The following ENOX1 variants were observed in gnomAD, a reference collection of about 807,000 sequenced individuals.
ENOX1 encodes ecto-NOX disulfide-thiol exchanger 1, also known as candidate growth-related and time keeping constitutive hydroquinone (NADH) oxidase.
ENOX1 carries 42 observed loss-of-function variants against 82.5 expected under a neutral mutation model. The observed-to-expected ratio is 0.51, with a 90% CI of 0.40 to 0.66. The LOEUF (loss-of-function observed/expected upper bound fraction) is 0.66. Among genes scored for constraint, ENOX1 ranks in the 30% least tolerant of loss-of-function variants. The pLI, the probability that ENOX1 is intolerant of heterozygous loss-of-function variation, is 0.00. For missense variants in ENOX1, 608 were observed against 811.6 expected, an observed-to-expected ratio of 0.75 and a Z score of 3.05; for synonymous variants, 271 against 282.2, an observed-to-expected ratio of 0.96 and a Z score of 0.40.
intron 5 of ENOX1, among the ~76,000 whole-genome samples, chr13:43,387,256 G>A (rs2052475356): frequency 6.6e-6 from 1 of 152,206 alleles, no homozygotes; most frequent in South Asian, 2.1e-4. Flanking sequence ...GTTACCTGGG[G>A]TGAGAGAGGA....
intron 12 of ENOX1, among the ~76,000 whole-genome samples, chr13:43,283,868 T>C (rs1311767362): frequency 6.6e-6 from 1 of 152,154 alleles, no homozygotes; most frequent in African/African-American, 2.4e-5. Flanking sequence ...CAAGTTTTGA[T>C]ATATTATGTT....
chr13:43,284,132 C>T lies in ENOX1; in HGVS notation c.1446+14214G>A, dbSNP rs2045558069. Among the ~76,000 whole-genome samples, 2 of 152,024 alleles carry T rather than the reference C, an allele frequency of 1.3e-5. 1 individual carries two copies. The highest frequency in any genetic ancestry group is 4.2e-4 in the South Asian group (2 of 4,814). On this transcript the variant is annotated intron_variant, in intron 12 of 16. Coordinates refer to ENST00000690772, the MANE Select transcript of ENOX1 (RefSeq NM_001347969.2). Reference sequence around the variant, plus strand: ...CAGTATATTTGAAAAGTATGATTTTCTTTATATGTCCTACATATTGAGCTT... The same window carrying T: ...CAGTATATTTGAAAAGTATGATTTTTTTTATATGTCCTACATATTGAGCTT...
At chr13:43,280,421 G>C (rs1196758435) in intron 12 of ENOX1, among the ~76,000 whole-genome samples, 3 of 151,980 alleles carry the variant, frequency 2.0e-5, no homozygotes, top group African/African-American at 7.2e-5. Context: ...ATTAACAACA[G>C]ATATTACCAT....
chr13:43,305,845 T>C (rs1483899291), intron 11 of ENOX1, among the ~76,000 whole-genome samples: 4 of 152,214 alleles, frequency 2.6e-5, no homozygotes, highest in African/African-American at 9.6e-5. Context: ...CAGGTGAGGA[T>C]GCCTTTAGAG....
intron 2 of ENOX1, among the ~76,000 whole-genome samples, chr13:43,617,479 A>C (rs2082532465): frequency 6.6e-6 from 1 of 152,224 alleles, no homozygotes; most frequent in South Asian, 2.1e-4. Context: ...GTTTTTGTTT[A>C]TATGCTTACT....
At chr13:43,703,737 A>G (rs1380730417) in intron 1 of ENOX1, among the ~76,000 whole-genome samples, 1 of 152,182 alleles carries the variant, frequency 6.6e-6, no homozygotes, top group Non-Finnish European at 1.5e-5. Flanking sequence ...GTTTGCCCAA[A>G]AAGGAATAAC....
At chr13:43,623,647 C>G (rs2082842903) in intron 2 of ENOX1, among the ~76,000 whole-genome samples, 1 of 152,046 alleles carries the variant, frequency 6.6e-6, no homozygotes, top group African/African-American at 2.4e-5. Context: ...CTTGGGATGG[C>G]TGGTTTGCTC....
intron 1 of ENOX1, among the ~76,000 whole-genome samples, chr13:43,751,410 A>G (rs920180636): frequency 6.6e-6 from 1 of 152,222 alleles, no homozygotes; most frequent in Non-Finnish European, 1.5e-5. Flanking sequence ...TCCACACTTT[A>G]AAGTGTACAA....
intron 8 of ENOX1, among the ~76,000 whole-genome samples, chr13:43,350,444 G>GT (rs1420696488): frequency 6.6e-6 from 1 of 152,050 alleles, no homozygotes; most frequent in Non-Finnish European, 1.5e-5. Context: ...ATTGGTAAGT[G>GT]TTTTTTGTTT....
At chr13:43,725,158 T>A (rs990902777) in intron 1 of ENOX1, among the ~76,000 whole-genome samples, 2 of 152,164 alleles carry the variant, frequency 1.3e-5, no homozygotes, top group African/African-American at 4.8e-5. Context: ...CAGGAAAGGA[T>A]AAGCTTTTTC....
intron 2 of ENOX1, among the ~76,000 whole-genome samples, chr13:43,616,082 T>TTATA (rs199606548): frequency 3.4e-5 from 1 of 29,786 alleles, no homozygotes. Flanking sequence ...AAGTTTGACA[T>TTATA]TATATATATA....
At chr13:43,655,847 G>T (rs1007469278) in intron 2 of ENOX1, among the ~76,000 whole-genome samples, 1 of 152,104 alleles carries the variant, frequency 6.6e-6, no homozygotes, top group African/African-American at 2.4e-5. Context: ...TTCAAGAGCT[G>T]GTGGGTTTCC....
intron 1 of ENOX1, among the ~76,000 whole-genome samples, chr13:43,702,131 T>C (rs578037233): frequency 1.3e-5 from 2 of 152,360 alleles, no homozygotes; most frequent in African/African-American, 4.8e-5. Flanking sequence ...TCACTCAGAA[T>C]AATGCCCTTT....
At chr13:43,476,967 T>C (rs61608532) in intron 3 of ENOX1, among the ~76,000 whole-genome samples, 3 of 152,034 alleles carry the variant, frequency 2.0e-5, no homozygotes, top group East Asian at 1.9e-4. Context: ...AAAGTGAACA[T>C]ACTTCATTTG....
intron 5 of ENOX1, among the ~76,000 whole-genome samples, chr13:43,370,608 G>C (rs1249645912): frequency 6.6e-6 from 1 of 152,144 alleles, no homozygotes; most frequent in Admixed American, 6.5e-5. Context: ...CTGCTTACAG[G>C]ATTCTGGGCA....
intron 14 of ENOX1, among the ~76,000 whole-genome samples, chr13:43,264,774 A>C (rs1448849699): frequency 6.6e-6 from 1 of 152,214 alleles, no homozygotes; most frequent in Non-Finnish European, 1.5e-5. Flanking sequence ...TCCATCTGAG[A>C]CTAAAGAACT....
At chr13:43,447,590 C>T (rs991087759) in intron 3 of ENOX1, among the ~76,000 whole-genome samples, 5 of 151,850 alleles carry the variant, frequency 3.3e-5, no homozygotes, top group African/African-American at 9.7e-5. Context: ...ATCTTTTTGA[C>T]ACCTTTTTCA....
intron 1 of ENOX1, among the ~76,000 whole-genome samples, chr13:43,687,120 TATA>T (rs1298325138): frequency 6.6e-6 from 1 of 152,256 alleles, no homozygotes; most frequent in Non-Finnish European, 1.5e-5. Context: ...CATATTGTCC[TATA>T]ATTAGATTTT....
At chr13:43,669,982 C>A (rs776869625) in intron 1 of ENOX1, among the ~76,000 whole-genome samples, 88 of 152,104 alleles carry the variant, frequency 5.8e-4, no homozygotes, top group Non-Finnish European at 1.1e-3. Flanking sequence ...TTTCCTCCAA[C>A]CCACCATGAA....
Sources: allele counts gnomAD v4.1 joint callset (sites outside exome capture counted in the v4.1 genomes callset), GRCh38; gene constraint gnomAD v4.1.1; transcripts MANE v1.5; gene names NCBI Gene and HGNC (gene_info 2026-07-23, HGNC 2026-07-21).